Variants in MMP28 observed in about 807,000 individuals in gnomAD.
MMP28 encodes the protein matrix metallopeptidase 28, also known as matrix metalloproteinase-28.
MMP28 carries 55 observed loss-of-function variants against 60.5 expected under a neutral mutation model. That is an observed-to-expected ratio of 0.91 (90% confidence interval 0.73 to 1.14). MMP28 has a LOEUF of 1.14. Among genes scored for constraint, MMP28 ranks in the 50% most tolerant of loss-of-function variants. The pLI is 0.00. For synonymous variants in MMP28, 318 were observed against 312.5 expected (o/e 1.02, Z -0.18); for missense variants, 686 against 738.3 (o/e 0.93, Z 0.82).
At chr17:35,768,496 G>T in intron 5 of MMP28, 117 bp from the exon 6 acceptor site, 1 of 819,320 alleles carries the variant, frequency 1.2e-6, no homozygotes, top group Non-Finnish European at 1.8e-6. Context: ...GGGCAAGGAA[G>T]GAGAGTGGGA....
chr17:35,764,391 G>T, downstream of MMP28: 1 of 1,487,234 alleles, frequency 6.7e-7, no homozygotes. Context: ...AGGAGGGGCT[G>T]CCCCAGGCAC....
rs1053972925 is a variant in MMP28, at chr17:35,766,369, C to A, written c.*131G>T. The A allele has an allele frequency of 1.3e-5, 19 of 1,424,844 alleles. No homozygotes were observed. In the Admixed American group the frequency reaches 5.1e-4, roughly 38 times the overall value. 88.3% of individuals were successfully genotyped at this position (1,424,844 alleles called of 1,614,324 possible). ...TCAAGGAACAAAGGCAGACAGACTT[C>A]CAGATGGAGGCTTTGCTGCCCGGTC... On this transcript the variant is annotated 3_prime_UTR_variant, in exon 8 of 8. Transcript: ENST00000605424. This position sits in a 1 kb window ranked among gnomAD's most constrained non-coding sequence, Gnocchi z 4.3.
chr17:35,780,339 A>G (rs917559642), intron 1 of MMP28, among the ~76,000 whole-genome samples: 9 of 151,656 alleles, frequency 5.9e-5, no homozygotes, highest in African/African-American at 2.2e-4. Context: ...AAGTGCTGGG[A>G]TTACAGGCGT....
chr17:35,786,307 C>T (rs1346355583), intron 1 of MMP28, among the ~76,000 whole-genome samples: 2 of 152,112 alleles, frequency 1.3e-5, no homozygotes, highest in Non-Finnish European at 2.9e-5. Flanking sequence ...ATCTGCCCAC[C>T]TTGGCCTCCC....
In MMP28 at chr17:35,779,064, C is replaced by T; in HGVS notation, c.203G>A (p.Trp68Ter). The part of the protein sequence containing the change: ...RFSDAIRAFQ[W>*]VSQLPVSGVL... ...GCCGCTGACAGGTAGCTGGGACACC[C>T]ACTGAAACGCTCTGTCAGGAGGAAA... Residue 68 changes from tryptophan (W) to a stop codon, truncating the protein, a stop_gained, in exon 3 of 8, where the codon TGG (tryptophan) becomes TAG (stop). Transcript: ENST00000605424. LOFTEE classifies it high-confidence loss of function. The T allele has an allele frequency of 6.2e-7, 1 of 1,613,912 alleles. No individual in the cohort carries two copies. Among genetic ancestry groups the T allele is most frequent in the Middle Eastern group, 1.6e-4 (1 of 6,062 alleles).
downstream of MMP28, chr17:35,764,273 G>A (rs975241023): frequency 1.6e-5 from 25 of 1,536,320 alleles, no homozygotes; most frequent in Non-Finnish European, 2.2e-5. Flanking sequence ...CGGCTTCTGG[G>A]GCTGGCTCGG....
downstream of MMP28, among the ~76,000 whole-genome samples, chr17:35,761,534 C>A (rs1396490763): frequency 6.6e-6 from 1 of 152,134 alleles, no homozygotes; most frequent in African/African-American, 2.4e-5. Flanking sequence ...CTGACTTGGC[C>A]TCCCAAAGTG....
At chr17:35,762,709 T>C (rs982044324), downstream of MMP28, among the ~76,000 whole-genome samples, 4 of 152,144 alleles carry the variant, frequency 2.6e-5, no homozygotes, top group African/African-American at 9.7e-5. Flanking sequence ...ACAGAGGTGC[T>C]GTAAGCCCAC....
rs970437002 is a variant in MMP28, at chr17:35,795,632, A to G, written c.-255T>C. On this transcript the variant is annotated 5_prime_UTR_variant, in exon 1 of 8. Transcript: ENST00000605424. Reference sequence around the variant, plus strand: ...GCGGGTCCGCCGGCCCCGGGGACCGAGGGAGGGAGGAAGGAAAGGCAGGCG... The same window carrying G: ...GCGGGTCCGCCGGCCCCGGGGACCGGGGGAGGGAGGAAGGAAAGGCAGGCG... 7 of 337,190 alleles carry G rather than the reference A, an allele frequency of 2.1e-5. No individual in the cohort carries two copies. In the Admixed American group the frequency reaches 3.4e-4, roughly 16 times the overall value. The allele number at this position is 337,190 out of a possible 1,614,324, so 20.9% of individuals were successfully genotyped here. A position where few individuals can be genotyped will look rare whatever the true frequency, so the allele number is the denominator to read the frequency against.
intron 2 of MMP28, among the ~76,000 whole-genome samples, chr17:35,759,733 T>TTTC (rs1391284793): frequency 1.6e-5 from 2 of 125,934 alleles, no homozygotes; most frequent in Admixed American, 9.5e-5. Flanking sequence ...AAGATTCAGG[T>TTTC]TTCCTAAGCT....
chr17:35,757,717 A>G (rs1205924848), intron 2 of MMP28, among the ~76,000 whole-genome samples: 1 of 152,208 alleles, frequency 6.6e-6, no homozygotes, highest in Non-Finnish European at 1.5e-5. Flanking sequence ...TGTTACAAAT[A>G]TTCCCAATCA....
chr17:35,768,118 C>A, intron 6 of MMP28, 112 bp downstream of exon 6: 1 of 1,411,632 alleles, frequency 7.1e-7, no homozygotes, highest in Non-Finnish European at 9.5e-7. Context: ...GTGCTTGTGG[C>A]TTGGGATTTC....
intron 1 of MMP28, among the ~76,000 whole-genome samples, chr17:35,780,600 C>T (rs1428671644): frequency 2.6e-5 from 4 of 151,952 alleles, no homozygotes; most frequent in Non-Finnish European, 4.4e-5. Context: ...CTTGAGAGGC[C>T]GAGGTGGGCA....
At chr17:35,757,242 C>A (rs2085750311) in intron 2 of MMP28, 1 of 152,124 alleles carries the variant, frequency 6.6e-6, no homozygotes, top group African/African-American at 2.4e-5. Context: ...CTCCATGAGT[C>A]CCACTTGATC....
intron 1 of MMP28, 27 bp from the exon 2 acceptor site, chr17:35,779,350 T>C (rs774422271): frequency 3.7e-5 from 58 of 1,585,466 alleles, no homozygotes; most frequent in Non-Finnish European, 5.0e-5. Context: ...TATCTGCTTT[T>C]TCCATAGCAT....
chr17:35,773,052 G>T (rs1040036133), intron 4 of MMP28, 128 bp downstream of exon 4: 16 of 751,696 alleles, frequency 2.1e-5, no homozygotes, highest in Non-Finnish European at 3.0e-5. Context: ...GAGACTGAGG[G>T]TTCTCTGCAG....
chr17:35,765,790 GCCCTGGCCTC>G (rs1247483666), downstream of MMP28: 1 of 935,048 alleles, frequency 1.1e-6, no homozygotes, highest in African/African-American at 1.8e-5. Context: ...GAAGAGCATG[GCCCTGGCCTC>G]CCCTGCACCC....
intron 1 of MMP28, among the ~76,000 whole-genome samples, chr17:35,788,874 G>A (rs2086731146): frequency 6.6e-6 from 1 of 152,182 alleles, no homozygotes; most frequent in Non-Finnish European, 1.5e-5. Context: ...ACAGGACAGT[G>A]TCTGGCTTGG....
In MMP28 at chr17:35,766,835, G is replaced by A. The variant is rs756397870; in HGVS notation, c.1228C>T (p.Arg410Trp). ...KPVWGLPQLC[R>W]AGGLPRHPDA... ...GGATGGCGGGGCAGGCCCCCTGCCC[G>A]GCACAGCTGTGGGAGACCCCACACT... Residue 410 changes from arginine to tryptophan, a missense_variant, in exon 8 of 8, where the codon CGG becomes TGG. Physicochemically the swap from Arg to Trp is moderately radical, Grantham distance 101 (BLOSUM62 -3). Transcript: ENST00000605424. The surrounding 1 kb of genome is among the most constrained non-coding windows in gnomAD (Gnocchi z 4.3). The A allele has an allele frequency of 3.2e-5, 50 of 1,576,864 alleles. No individual in the cohort carries two copies. Among genetic ancestry groups the A allele is most frequent in the African/African-American group, 4.0e-5 (3 of 74,172 alleles).
Sources: gnomAD v4.1 joint callset for allele counts (sites outside exome capture counted in the v4.1 genomes callset) on GRCh38, gnomAD v4.1.1 for gene constraint, Gnocchi (gnomAD v3.1) non-coding constraint, MANE v1.5 for transcripts, NCBI Gene and HGNC (gene_info 2026-07-23, HGNC 2026-07-21) for gene names.